Variants in CRYZ observed in about 807,000 individuals in gnomAD.
CRYZ encodes the protein crystallin zeta, also known as zeta-crystallin.
Under a neutral mutation model 34.1 loss-of-function variants are expected in CRYZ, and 35 were observed. The observed-to-expected ratio is 1.03, with a 90% CI of 0.78 to 1.36. The LOEUF (loss-of-function observed/expected upper bound fraction) is 1.36. Ranked by LOEUF, CRYZ falls within the 40% of genes most tolerant of loss-of-function variation. CRYZ has a pLI of 0.00. For missense variants in CRYZ, 403 were observed against 391.8 expected, an observed-to-expected ratio of 1.03 and a Z score of -0.24; for synonymous variants, 137 against 136.5, an observed-to-expected ratio of 1.00 and a Z score of -0.03.
intron 3 of CRYZ, among the ~76,000 whole-genome samples, chr1:74,720,211 C>G (rs1647139735): frequency 6.6e-6 from 1 of 152,086 alleles, no homozygotes; most frequent in Non-Finnish European, 1.5e-5. Context: ...ACACCAAACA[C>G]CTACTCTAAA....
At chr1:74,725,225 T>C (rs1293843165) in intron 1 of CRYZ, among the ~76,000 whole-genome samples, 1 of 152,220 alleles carries the variant, frequency 6.6e-6, no homozygotes, top group Non-Finnish European at 1.5e-5. Flanking sequence ...TCCAAACATT[T>C]ACCTGACACC....
intron 5 of CRYZ, 108 bp from the exon 6 acceptor site, chr1:74,710,355 G>A: frequency 2.1e-6 from 2 of 943,786 alleles, no homozygotes; most frequent in Non-Finnish European, 1.5e-6. Flanking sequence ...TAACTTTAAG[G>A]AACTTAAGAG....
chr1:74,725,786 T>C (rs1317902360), intron 1 of CRYZ, among the ~76,000 whole-genome samples: 1 of 152,172 alleles, frequency 6.6e-6, no homozygotes, highest in Non-Finnish European at 1.5e-5. Context: ...GCAAGTTAGT[T>C]ACTTCCTAGA....
At chr1:74,722,520 C>T (rs1395069136) in intron 3 of CRYZ, among the ~76,000 whole-genome samples, 3 of 151,586 alleles carry the variant, frequency 2.0e-5, no homozygotes, top group Non-Finnish European at 4.4e-5. Flanking sequence ...TAAGGTGCTG[C>T]CAAAGTTGAG....
intron 4 of CRYZ, among the ~76,000 whole-genome samples, chr1:74,716,905 C>T (rs553133534): frequency 1.3e-5 from 2 of 152,146 alleles, no homozygotes; most frequent in Non-Finnish European, 2.9e-5. Context: ...TTCCTTGATA[C>T]TCCATCCAAA....
intron 5 of CRYZ, among the ~76,000 whole-genome samples, chr1:74,711,487 C>T (rs988232505): frequency 1.3e-5 from 2 of 152,076 alleles, no homozygotes; most frequent in South Asian, 2.1e-4. Context: ...AGATTGAATG[C>T]GGGAGATGAG....
chr1:74,732,962 C>A lies in CRYZ; in HGVS notation c.-20G>T. 2.2e-6 allele frequency: 1 copy of A among 451,436 alleles called. No individual in the cohort carries two copies. 28.0% of individuals were successfully genotyped at this position (451,436 alleles called of 1,614,324 possible). A position where few individuals can be genotyped will look rare whatever the true frequency, so the allele number is the denominator to read the frequency against. On this transcript the variant is annotated 5_prime_UTR_variant, in exon 1 of 9. Transcript: ENST00000340866. ...AGTTTTTAAAACCACTTACCAGAAT[C>A]TAGAGTGGGAATTAAAATCTGCGTG...
chr1:74,708,383 C>T (rs1277946002), intron 6 of CRYZ: 1 of 151,962 alleles, frequency 6.6e-6, no homozygotes, highest in African/African-American at 2.4e-5. Context: ...AGACAAAACT[C>T]CTCTCCTCAT....
chr1:74,706,894 C>T lies in CRYZ; in HGVS notation c.828+5G>A, dbSNP rs779732097. 3.1e-6 allele frequency: 5 copies of T among 1,610,250 alleles called. No individual in the cohort carries two copies. Among genetic ancestry groups the T allele is most frequent in the South Asian group, 1.1e-5 (1 of 90,874 alleles). Reference sequence around the variant, plus strand: ...TACCAAAATCAGAAGTACTTCTTTTCCTACCTTGGTTGAGGAAAAGAGAGT... The same window carrying T: ...TACCAAAATCAGAAGTACTTCTTTTTCTACCTTGGTTGAGGAAAAGAGAGT... On this transcript the variant is annotated splice_donor_5th_base_variant and intron_variant, in intron 8 of 8. Transcript: ENST00000340866.
rs146489593 is a variant in CRYZ, at chr1:74,715,772, G to T, written c.429-1142C>A. 3.3e-5 allele frequency among the ~76,000 whole-genome samples: 5 copies of T among 152,226 alleles called. No homozygotes were observed. In the South Asian group the frequency reaches 1.0e-3, roughly 32 times the overall value. On this transcript the variant is annotated intron_variant, in intron 4 of 8. Coordinates refer to ENST00000340866, the MANE Select transcript of CRYZ (RefSeq NM_001889.4). ...TTCTCATAAATCCCTGGGGCCTGGGGTGAGGGGAGAAAAAGCAGGCAAATC... is the reference window on the plus strand; with the variant it reads ...TTCTCATAAATCCCTGGGGCCTGGGTTGAGGGGAGAAAAAGCAGGCAAATC...
chr1:74,719,459 G>C (rs1387757877), intron 3 of CRYZ, 87 bp from the exon 4 acceptor site: 1 of 1,266,614 alleles, frequency 7.9e-7, no homozygotes, highest in African/African-American at 1.5e-5. Context: ...AGAAATAAGT[G>C]AGTACTCATA....
intron 4 of CRYZ, among the ~76,000 whole-genome samples, chr1:74,718,975 T>C (rs1051660347): frequency 2.6e-5 from 4 of 152,178 alleles, no homozygotes; most frequent in South Asian, 2.1e-4. Context: ...ATCACTCTTA[T>C]GTCATTTCCC....
chr1:74,711,671 G>A (rs1445530694), intron 5 of CRYZ, among the ~76,000 whole-genome samples: 1 of 151,924 alleles, frequency 6.6e-6, no homozygotes, highest in Admixed American at 6.6e-5. Context: ...GGATCGCTTG[G>A]GCCCAGGAAT....
At chr1:74,730,573 T>TATTTA (rs1647660254) in intron 1 of CRYZ, among the ~76,000 whole-genome samples, 1 of 152,200 alleles carries the variant, frequency 6.6e-6, no homozygotes, top group East Asian at 1.9e-4. Context: ...GTAGAGAAGT[T>TATTTA]ATTTAAACTA....
chr1:74,724,840 G>C lies in CRYZ; in HGVS notation c.-13-6C>G. On this transcript the variant is annotated splice_region_variant and splice_polypyrimidine_tract_variant and intron_variant, in intron 1 of 8. Transcript: ENST00000340866. ...TCGCCATGGTGATCTAGATACTAAG[G>C]AAGAAAAAAAATTAATGTATTGTCA... 1 of 1,511,088 alleles carries C rather than the reference G, an allele frequency of 6.6e-7. No individual in the cohort carries two copies. Among genetic ancestry groups the C allele is most frequent in the Non-Finnish European group, 9.1e-7 (1 of 1,096,232 alleles). 93.6% of individuals were successfully genotyped at this position (1,511,088 alleles called of 1,614,324 possible).
intron 5 of CRYZ, 71 bp downstream of exon 5, chr1:74,714,508 G>C: frequency 7.1e-7 from 1 of 1,404,350 alleles, no homozygotes. Context: ...TTTTAAAAAT[G>C]ACCAAAGGAA....
At chr1:74,726,179 T>G (rs560743511) in intron 1 of CRYZ, among the ~76,000 whole-genome samples, 1 of 152,346 alleles carries the variant, frequency 6.6e-6, no homozygotes, top group Admixed American at 6.5e-5. Context: ...CAGTAGGGAC[T>G]CTGCGTGGGG....
chr1:74,715,007 G>A (rs1338505761), intron 4 of CRYZ, among the ~76,000 whole-genome samples: 1 of 152,096 alleles, frequency 6.6e-6, no homozygotes, highest in Non-Finnish European at 1.5e-5. Context: ...CTCAAAGCAG[G>A]TTTATTATAT....
intron 2 of CRYZ, among the ~76,000 whole-genome samples, chr1:74,723,731 G>GTCTC (rs1647208796): frequency 6.6e-6 from 1 of 152,186 alleles, no homozygotes; most frequent in East Asian, 1.9e-4. Flanking sequence ...CTTCCATGGA[G>GTCTC]ACCCTGAAGA....
Sources: gnomAD v4.1 joint callset for allele counts (sites outside exome capture counted in the v4.1 genomes callset) on GRCh38, gnomAD v4.1.1 for gene constraint, MANE v1.5 for transcripts, NCBI Gene and HGNC (gene_info 2026-07-23, HGNC 2026-07-21) for gene names.